Variants in NOL10 observed in about 807,000 individuals in gnomAD.
NOL10 encodes H_NH0074G24.1.
In NOL10, 58 loss-of-function variants were observed where a neutral mutation model predicts 103.5. The observed-to-expected ratio is 0.56, with a 90% confidence interval of 0.45 to 0.70. The LOEUF (loss-of-function observed/expected upper bound fraction) is 0.70, where lower values mean the gene tolerates loss of function less well. Among genes scored for constraint, NOL10 ranks in the 30% least tolerant of loss-of-function variants. The probability of loss-of-function intolerance (pLI) is 0.00; values close to 1 mark genes in which losing one functional copy is unlikely to be tolerated. For synonymous variants in NOL10, 287 were observed against 282.5 expected, an observed-to-expected ratio of 1.02 and a Z score of -0.16; for missense variants, 763 against 807.3, an observed-to-expected ratio of 0.95 and a Z score of 0.67.
chr2:10,614,677 T>C (rs1266212101), intron 13 of NOL10, among the ~76,000 whole-genome samples: 1 of 152,224 alleles, frequency 6.6e-6, no homozygotes, highest in Non-Finnish European at 1.5e-5. Context: ...ACCACAGGGT[T>C]ATAAACAAAC....
intron 12 of NOL10, among the ~76,000 whole-genome samples, chr2:10,651,993 G>A (rs1679494045): frequency 6.6e-6 from 1 of 152,158 alleles, no homozygotes; most frequent in Non-Finnish European, 1.5e-5. Flanking sequence ...TGTAATCCCA[G>A]CACTTAGGGA....
At chr2:10,573,629 C>G (rs61515414) in intron 20 of NOL10, among the ~76,000 whole-genome samples, 1 of 141,484 alleles carries the variant, frequency 7.1e-6, no homozygotes, top group African/African-American at 2.6e-5. Flanking sequence ...GAGAGAATAG[C>G]GGGGAAGGAA....
chr2:10,635,930 G>A (rs551786517), intron 13 of NOL10, among the ~76,000 whole-genome samples: 2 of 152,312 alleles, frequency 1.3e-5, no homozygotes, highest in South Asian at 4.1e-4. Flanking sequence ...GTGTCACCCA[G>A]GCTGGAGTGC....
intron 17 of NOL10, among the ~76,000 whole-genome samples, chr2:10,592,446 A>G (rs1675437328): frequency 6.6e-6 from 1 of 152,176 alleles, no homozygotes; most frequent in Non-Finnish European, 1.5e-5. Flanking sequence ...CAGGATTCAG[A>G]CGGACACCAC....
At chr2:10,641,380 C>A (rs1238785054) in intron 13 of NOL10, among the ~76,000 whole-genome samples, 1 of 151,690 alleles carries the variant, frequency 6.6e-6, no homozygotes, top group Admixed American at 6.6e-5. Flanking sequence ...ATACAACTTC[C>A]CACACATAAC....
Position 10,657,887 on chromosome 2 carries a change from A to G in NOL10, c.761T>C (p.Leu254Ser). 1 of 1,514,846 alleles carries G rather than the reference A, an allele frequency of 6.6e-7. No homozygotes were observed. Among genetic ancestry groups the G allele is most frequent in the Non-Finnish European group, 8.8e-7 (1 of 1,131,168 alleles). 93.8% of individuals were successfully genotyped at this position (1,514,846 alleles called of 1,614,324 possible). ...MAVGTTTGQVLLYDLRSDKPL... is the reference protein window; with the variant it reads ...MAVGTTTGQVSLYDLRSDKPL... ...CTTATCAGATCGAAGGTCATATAAT[A>G]AAACCTGAAAAAAAATTATTTCTGT... The change falls in exon 11 of 21, where the codon TTA (leucine) becomes TCA (serine). Residue 254 changes from leucine to serine, a missense_variant. By Grantham distance (145) the Leu-to-Ser change is moderately radical (BLOSUM62 -2). Transcript: ENST00000381685.
At chr2:10,647,805 T>C (rs1679183109) in intron 12 of NOL10, among the ~76,000 whole-genome samples, 1 of 152,270 alleles carries the variant, frequency 6.6e-6, no homozygotes, top group Non-Finnish European at 1.5e-5. Context: ...AATAAAAGGC[T>C]ATTTCACACT....
At chr2:10,651,157 G>A (rs1273857639) in intron 12 of NOL10, among the ~76,000 whole-genome samples, 2 of 152,122 alleles carry the variant, frequency 1.3e-5, no homozygotes, top group Admixed American at 6.5e-5. Flanking sequence ...AGCTGTTTAG[G>A]CACACAGCCT....
chr2:10,572,024 G>T lies in NOL10; in HGVS notation c.*47C>A, dbSNP rs1674202886. 2 of 1,603,614 alleles carry T rather than the reference G, an allele frequency of 1.2e-6. No individual in the cohort carries two copies. Among genetic ancestry groups the T allele is most frequent in the African/African-American group, 2.7e-5 (2 of 74,748 alleles). ...TTAACACCCTAACGATGATCAGTTT[G>T]GGGGAGACGTACCCCTCCCTAATCA... On this transcript the variant is annotated 3_prime_UTR_variant, in exon 21 of 21. Transcript: ENST00000381685.
intron 5 of NOL10, 90 bp downstream of exon 5, chr2:10,673,430 A>G: frequency 1.3e-6 from 1 of 790,086 alleles, no homozygotes; most frequent in East Asian, 3.2e-5. Flanking sequence ...TTTAACAATA[A>G]AAATATTATA....
intron 16 of NOL10, among the ~76,000 whole-genome samples, chr2:10,601,972 G>T (rs1675998051): frequency 6.6e-6 from 1 of 152,220 alleles, no homozygotes; most frequent in Non-Finnish European, 1.5e-5. Context: ...GAACCAACAG[G>T]GGCGGCTGCA....
chr2:10,606,279 C>A (rs1177887529), intron 14 of NOL10, among the ~76,000 whole-genome samples: 2 of 151,786 alleles, frequency 1.3e-5, no homozygotes, highest in African/African-American at 2.4e-5. Context: ...TAATAGTACC[C>A]AATCCATAGG....
At chr2:10,671,017 T>C (rs1001308753) in intron 6 of NOL10, among the ~76,000 whole-genome samples, 20 of 152,314 alleles carry the variant, frequency 1.3e-4, no homozygotes, top group Admixed American at 2.6e-4. Context: ...TAAATCAAAC[T>C]ATCAAATTAC....
intron 4 of NOL10, 49 bp from the exon 5 acceptor site, chr2:10,673,606 G>GTAA: frequency 7.9e-7 from 1 of 1,264,752 alleles, no homozygotes; most frequent in Non-Finnish European, 1.1e-6. Flanking sequence ...AATATTCTTA[G>GTAA]TAACAACGCA....
At chr2:10,615,720 C>CT (rs1252286378) in intron 13 of NOL10, among the ~76,000 whole-genome samples, 1 of 152,170 alleles carries the variant, frequency 6.6e-6, no homozygotes, top group African/African-American at 2.4e-5. Context: ...AAAGATTCCT[C>CT]TCTCAGAATC....
intron 12 of NOL10, among the ~76,000 whole-genome samples, chr2:10,654,207 A>C (rs1679672412): frequency 6.6e-5 from 10 of 152,166 alleles, no homozygotes. Context: ...TCCTACCTGT[A>C]TGCTGTTACC....
intron 19 of NOL10, among the ~76,000 whole-genome samples, chr2:10,585,872 C>T (rs1376422185): frequency 1.3e-5 from 2 of 152,184 alleles, no homozygotes; most frequent in Admixed American, 1.3e-4. Context: ...AGTACAGTTA[C>T]AAATTTTTTC....
chr2:10,584,318 G>A (rs963412891), intron 19 of NOL10, among the ~76,000 whole-genome samples: 2 of 152,180 alleles, frequency 1.3e-5, no homozygotes, highest in African/African-American at 4.8e-5. Flanking sequence ...AATGCTTGAT[G>A]AATGAATGGG....
intron 19 of NOL10, among the ~76,000 whole-genome samples, chr2:10,587,142 TATATATACATATATACAC>T (rs1675114648): frequency 9.9e-5 from 4 of 40,330 alleles, no homozygotes; most frequent in East Asian, 6.0e-4. Context: ...TATATACACA[TATATATACATATATACAC>T]ATATATACAC....
Sources: gnomAD v4.1 joint callset for allele counts (sites outside exome capture counted in the v4.1 genomes callset) on GRCh38, gnomAD v4.1.1 for gene constraint, MANE v1.5 for transcripts, NCBI Gene and HGNC (gene_info 2026-07-23, HGNC 2026-07-21) for gene names.